ASB4: variants seen among roughly 807,000 people sequenced by gnomAD.
ASB4 encodes the protein ankyrin repeat and SOCS box containing 4, also known as ankyrin repeat and SOCS box protein 4.
A neutral mutation model predicts 38.6 loss-of-function variants in ASB4; 35 were observed. That is an observed-to-expected ratio of 0.91 (90% CI 0.69 to 1.20). ASB4 has a LOEUF of 1.20. Among genes scored for constraint, ASB4 ranks in the 50% most tolerant of loss-of-function variants. The probability of loss-of-function intolerance (pLI) is 0.00; values close to 1 mark genes in which losing one functional copy is unlikely to be tolerated. For synonymous variants in ASB4, 195 were observed against 201.3 expected (o/e 0.97, Z 0.26); for missense variants, 557 against 527.2 (o/e 1.06, Z -0.55).
upstream of ASB4, among the ~76,000 whole-genome samples, chr7:95,478,182 C>A (rs530488915): frequency 6.6e-6 from 1 of 152,194 alleles, no homozygotes; most frequent in Admixed American, 6.5e-5. Context: ...AAAGAGGATG[C>A]AAATGCTGCC....
At chr7:95,471,799 T>C in the ASB4 span, 9 of 149,970 alleles carry the variant, frequency 6.0e-5, no homozygotes, top group Non-Finnish European at 1.2e-4. Context: ...GCATTTGCCA[T>C]GTGCCAGGGA....
the ASB4 span, among the ~76,000 whole-genome samples, chr7:95,548,555 T>C: frequency 6.6e-6 from 1 of 152,242 alleles, no homozygotes; most frequent in Non-Finnish European, 1.5e-5. Flanking sequence ...TCAGCAATGG[T>C]ACCTAACACA....
chr7:95,549,307 T>TTTTTATTTTTTTA, the ASB4 span, among the ~76,000 whole-genome samples: 1 of 138,608 alleles, frequency 7.2e-6, no homozygotes, highest in East Asian at 2.3e-4. Flanking sequence ...CTCCATTTTT[T>TTTTTATTTTTTTA]TTTTTTTGAG....
intron 2 of ASB4, among the ~76,000 whole-genome samples, chr7:95,516,195 A>C (rs965481100): frequency 6.6e-6 from 1 of 152,178 alleles, no homozygotes; most frequent in African/African-American, 2.4e-5. Flanking sequence ...AATTTCCTTC[A>C]ACGAAAACAC....
chr7:95,532,690 G>A lies in ASB4; in HGVS notation c.979-3747G>A, dbSNP rs576232106. ...TACAGATGATGTTTGGATGAGAAGA[G>A]AGGCAGGAAGACTTACCTTGAATCT... is the stretch of plus-strand genomic sequence containing the variant. On this transcript the variant is annotated intron_variant, in intron 3 of 4. Transcript: ENST00000325885. 1.3e-4 allele frequency among the ~76,000 whole-genome samples: 20 copies of A among 152,290 alleles called. 1 individual carries two copies. Among genetic ancestry groups the A allele is most frequent in the Middle Eastern group, 3.4e-3 (1 of 294 alleles).
the ASB4 span, among the ~76,000 whole-genome samples, chr7:95,549,713 A>C: frequency 6.6e-6 from 1 of 151,968 alleles, no homozygotes; most frequent in Non-Finnish European, 1.5e-5. Flanking sequence ...TTGTTATTAG[A>C]CTCTGACAGG....
At chr7:95,517,215 C>T (rs145996843) in intron 2 of ASB4, among the ~76,000 whole-genome samples, 1 of 152,082 alleles carries the variant, frequency 6.6e-6, no homozygotes, top group Admixed American at 6.6e-5. Flanking sequence ...GTTGCCCAGG[C>T]TGAGGTGCAG....
chr7:95,501,992 C>A (rs1790344980), intron 2 of ASB4, among the ~76,000 whole-genome samples: 1 of 151,838 alleles, frequency 6.6e-6, no homozygotes, highest in Non-Finnish European at 1.5e-5. Flanking sequence ...TTCAGAAGGG[C>A]AAACACCATA....
At chr7:95,527,666 C>T in intron 2 of ASB4, 147 bp from the exon 3 acceptor site, 1 of 800,798 alleles carries the variant, frequency 1.2e-6, no homozygotes, top group Non-Finnish European at 1.9e-6. Context: ...AGGAAGAGAG[C>T]CTGGGGGCAA....
At chr7:95,510,681 G>A (rs985617430) in intron 2 of ASB4, among the ~76,000 whole-genome samples, 48 of 152,306 alleles carry the variant, frequency 3.2e-4, no homozygotes, top group African/African-American at 1.1e-3. Context: ...CAGAGGAAAA[G>A]TAGTAATCAC....
chr7:95,515,167 C>CTCTCTT (rs1790539782), intron 2 of ASB4, among the ~76,000 whole-genome samples: 1 of 89,756 alleles, frequency 1.1e-5, no homozygotes, highest in African/African-American at 4.3e-5. Context: ...CTTTCTCTTT[C>CTCTCTT]TCTTTCTTTC....
rs969308581 is a variant in ASB4, at chr7:95,486,271, TA to T, written c.187+119del. ...TTTATTGTTTCTTTAAGTATTCATT[TA>T]AAAAATATTTCTAAATTGATATTTT... On this transcript the variant is annotated intron_variant, in intron 1 of 4. Transcript: ENST00000325885. 6.4e-6 allele frequency: 5 copies of T among 776,656 alleles called. No homozygotes were observed. In the Admixed American group the frequency reaches 1.4e-4, roughly 23 times the overall value. The allele number at this position is 776,656 out of a possible 1,614,324, so 48.1% of individuals were successfully genotyped here. A position where few individuals can be genotyped will look rare whatever the true frequency, so the allele number is the denominator to read the frequency against.
At chr7:95,521,643 A>G (rs893557737) in intron 2 of ASB4, among the ~76,000 whole-genome samples, 2 of 151,740 alleles carry the variant, frequency 1.3e-5, no homozygotes, top group Non-Finnish European at 2.9e-5. Flanking sequence ...AGGAATAGCT[A>G]AACTGTGGTT....
At chr7:95,530,208 C>G (rs938886390) in intron 3 of ASB4, among the ~76,000 whole-genome samples, 4 of 151,570 alleles carry the variant, frequency 2.6e-5, no homozygotes, top group African/African-American at 9.7e-5. Context: ...CCCCTGTAAT[C>G]CTAGCACTTT....
chr7:95,517,366 C>T (rs185105573), intron 2 of ASB4, among the ~76,000 whole-genome samples: 32 of 152,012 alleles, frequency 2.1e-4, no homozygotes, highest in Middle Eastern at 3.4e-3. Flanking sequence ...ATTCTAGACA[C>T]GAGTCTTTTA....
chr7:95,514,271 C>T (rs975650264), intron 2 of ASB4, among the ~76,000 whole-genome samples: 1 of 152,154 alleles, frequency 6.6e-6, no homozygotes, highest in African/African-American at 2.4e-5. Context: ...ATAACTTTGC[C>T]ACAGTACAAT....
intron 1 of ASB4, among the ~76,000 whole-genome samples, chr7:95,495,116 T>C (rs747210437): frequency 4.6e-5 from 7 of 152,242 alleles, no homozygotes; most frequent in Non-Finnish European, 1.0e-4. Context: ...TTTGCCCTTA[T>C]TTTCTAAATC....
chr7:95,478,556 A>G (rs1018790800), exon 1 of ASB4: 6 of 152,182 alleles, frequency 3.9e-5, no homozygotes, highest in African/African-American at 1.4e-4. Flanking sequence ...AAACGGAACA[A>G]TCTAGCATCG....
chr7:95,544,840 G>T (rs757549658), downstream of ASB4, among the ~76,000 whole-genome samples: 2 of 151,924 alleles, frequency 1.3e-5, no homozygotes, highest in African/African-American at 2.4e-5. Context: ...GATTACAGGT[G>T]CATGCCATCA....
Sources: gnomAD v4.1 joint callset for allele counts (sites outside exome capture counted in the v4.1 genomes callset) on GRCh38, gnomAD v4.1.1 for gene constraint, MANE v1.5 for transcripts, NCBI Gene and HGNC (gene_info 2026-07-23, HGNC 2026-07-21) for gene names.